Variants in KAZN observed in about 807,000 individuals in gnomAD.
KAZN encodes kazrin.
A neutral mutation model predicts 87.4 loss-of-function variants in KAZN; 40 were observed. The ratio of observed to expected loss-of-function variants is 0.46; its 90% CI spans 0.36 to 0.60. The LOEUF is 0.60. Ranked by LOEUF, KAZN falls within the 20% of genes least tolerant of loss-of-function variation. The probability of loss-of-function intolerance (pLI) is 0.00; values close to 1 mark genes in which losing one functional copy is unlikely to be tolerated. For missense variants in KAZN, 898 were observed against 1,073.9 expected (o/e 0.84, Z 2.29); for synonymous variants, 466 against 458.3 (o/e 1.02, Z -0.22).
chr1:14,816,622 C>A (rs1646572764), intron 1 of KAZN, among the ~76,000 whole-genome samples: 1 of 151,880 alleles, frequency 6.6e-6, no homozygotes, highest in South Asian at 2.1e-4. Context: ...GATAGACAGA[C>A]AGACATATTA....
chr1:14,920,880 G>C (rs934391596), intron 1 of KAZN, among the ~76,000 whole-genome samples: 15 of 152,122 alleles, frequency 9.9e-5, no homozygotes, highest in Admixed American at 1.3e-4. Flanking sequence ...AGGGTCTCCT[G>C]GTGGAGAACT....
At chr1:13,972,779 G>T (rs1642184033) in intron 1 of KAZN, among the ~76,000 whole-genome samples, 1 of 152,164 alleles carries the variant, frequency 6.6e-6, no homozygotes. Context: ...GCTCTTGCTT[G>T]AACTTACTGT....
intron 2 of KAZN, among the ~76,000 whole-genome samples, chr1:14,452,639 A>G (rs1471117017): frequency 6.6e-6 from 1 of 151,658 alleles, no homozygotes; most frequent in Non-Finnish European, 1.5e-5. Flanking sequence ...GGGAAGAGTC[A>G]GATGGAAAGT....
intron 8 of KAZN, among the ~76,000 whole-genome samples, chr1:15,075,644 A>G (rs1341395861): frequency 6.6e-6 from 1 of 152,192 alleles, no homozygotes; most frequent in Non-Finnish European, 1.5e-5. Context: ...ATGGGCCTCC[A>G]GAAGGGAGGT....
intron 2 of KAZN, among the ~76,000 whole-genome samples, chr1:14,499,174 G>A (rs538710586): frequency 6.6e-6 from 1 of 152,258 alleles, no homozygotes; most frequent in South Asian, 2.1e-4. Context: ...GGTGACTGGA[G>A]TTCTGATGCT....
At chr1:13,938,646 C>T (rs955137902) in intron 1 of KAZN, among the ~76,000 whole-genome samples, 4 of 152,150 alleles carry the variant, frequency 2.6e-5, no homozygotes, top group East Asian at 1.9e-4. Context: ...CGAAGGAAAA[C>T]GTGGGATTGG....
intron 2 of KAZN, among the ~76,000 whole-genome samples, chr1:14,463,007 T>G (rs994196841): frequency 2.0e-5 from 3 of 152,314 alleles, no homozygotes; most frequent in Admixed American, 6.5e-5. Flanking sequence ...GGAGCAGGGC[T>G]AACTCATAGG....
intron 1 of KAZN, among the ~76,000 whole-genome samples, chr1:14,878,050 A>G (rs148384942): frequency 2.3e-3 from 344 of 152,290 alleles, no homozygotes; most frequent in African/African-American, 7.0e-3. Context: ...AGTCAGACCA[A>G]GAACCTGCAG....
intron 1 of KAZN, among the ~76,000 whole-genome samples, chr1:14,787,171 T>G (rs1645533603): frequency 6.6e-6 from 1 of 152,230 alleles, no homozygotes; most frequent in African/African-American, 2.4e-5. Flanking sequence ...TGACCTTGGA[T>G]GTATTAATTA....
intron 2 of KAZN, among the ~76,000 whole-genome samples, chr1:14,482,573 C>A (rs1405215768): frequency 6.6e-6 from 1 of 152,176 alleles, no homozygotes; most frequent in South Asian, 2.1e-4. Context: ...TACATGTAAA[C>A]CCCCTGAGGG....
chr1:14,158,966 T>C (rs1284018386), intron 1 of KAZN, among the ~76,000 whole-genome samples: 1 of 152,196 alleles, frequency 6.6e-6, no homozygotes, highest in Non-Finnish European at 1.5e-5. Context: ...ATTGAGTCTC[T>C]TTCTCTATTC....
intron 2 of KAZN, among the ~76,000 whole-genome samples, chr1:14,258,257 C>G (rs1379901006): frequency 6.8e-6 from 1 of 147,870 alleles, no homozygotes; most frequent in Non-Finnish European, 1.5e-5. Flanking sequence ...TCTCTTTGAC[C>G]CAGGCTGGAG....
chr1:13,956,222 G>A (rs16853259), intron 1 of KAZN, among the ~76,000 whole-genome samples: 2,268 of 152,052 alleles, frequency 0.015, 53 homozygotes, highest in African/African-American at 0.051. Context: ...CAGTCTTCAA[G>A]TTGAGTCTTC....
intron 2 of KAZN, among the ~76,000 whole-genome samples, chr1:14,484,198 T>C (rs192218689): frequency 6.6e-6 from 1 of 152,340 alleles, no homozygotes; most frequent in Admixed American, 6.5e-5. Context: ...AGGTAATGTG[T>C]GAGGCCTCCA....
chr1:14,934,446 C>T (rs1177831402), intron 1 of KAZN, among the ~76,000 whole-genome samples: 1 of 152,050 alleles, frequency 6.6e-6, no homozygotes, highest in Non-Finnish European at 1.5e-5. Flanking sequence ...ACCTTGTGAT[C>T]CACCTGCCTT....
At chr1:14,961,112 G>T (rs776982017) in intron 2 of KAZN, among the ~76,000 whole-genome samples, 1 of 152,228 alleles carries the variant, frequency 6.6e-6, no homozygotes, top group East Asian at 1.9e-4. Context: ...TGGATGTGAG[G>T]TGTCTCCTTC....
intron 2 of KAZN, among the ~76,000 whole-genome samples, chr1:14,296,718 C>G (rs917551273): frequency 6.8e-5 from 10 of 148,146 alleles, no homozygotes; most frequent in African/African-American, 2.5e-4. Context: ...TTACTGCAAC[C>G]TCTGCCTCCT....
chr1:14,606,739 A>G (rs1328285705), intron 1 of KAZN, among the ~76,000 whole-genome samples: 1 of 152,092 alleles, frequency 6.6e-6, no homozygotes, highest in Non-Finnish European at 1.5e-5. Flanking sequence ...TACTATTGAC[A>G]TGTGGAGCAG....
At chr1:14,818,381 T>C (rs1441160691) in intron 1 of KAZN, among the ~76,000 whole-genome samples, 1 of 152,186 alleles carries the variant, frequency 6.6e-6, no homozygotes, top group Non-Finnish European at 1.5e-5. Context: ...AAGTGTTCAG[T>C]GTGAATTTAA....
Sources: gnomAD v4.1 joint callset for allele counts (sites outside exome capture counted in the v4.1 genomes callset) on GRCh38, gnomAD v4.1.1 for gene constraint, MANE v1.5 for transcripts, NCBI Gene and HGNC (gene_info 2026-07-23, HGNC 2026-07-21) for gene names.